ABCC11: variants seen among roughly 807,000 people sequenced by gnomAD.
The protein encoded by ABCC11 is ATP-binding cassette sub-family C member 11.
In ABCC11, 135 loss-of-function variants were observed where a neutral mutation model predicts 149.3. That is an observed-to-expected ratio of 0.90 (90% confidence interval 0.79 to 1.04). ABCC11 has a LOEUF of 1.04. Among genes scored for constraint, ABCC11 ranks in the 50% least tolerant of loss-of-function variants. The pLI is 0.00. For synonymous variants in ABCC11, 665 were observed against 671.4 expected (o/e 0.99, Z 0.15); for missense variants, 1,680 against 1,722.1 (o/e 0.98, Z 0.43).
chr16:48,224,455 T>A (rs1969943288), intron 4 of ABCC11, 26 bp from the exon 5 acceptor site: 1 of 1,610,016 alleles, frequency 6.2e-7, no homozygotes, highest in African/African-American at 1.3e-5. Context: ...ATGGAACTGG[T>A]GGAATCTCTT....
intron 26 of ABCC11, 123 bp downstream of exon 26, chr16:48,175,135 C>T (rs62058525): frequency 0.092 from 119,227 of 1,295,510 alleles, 6,349 homozygotes; most frequent in Middle Eastern, 0.12. Context: ...CATGAGTGGC[C>T]CAGCAGGCCA....
At chr16:48,173,562 A>T (rs879187044) in intron 26 of ABCC11, among the ~76,000 whole-genome samples, 1 of 152,208 alleles carries the variant, frequency 6.6e-6, no homozygotes, top group African/African-American at 2.4e-5. Flanking sequence ...ACTGTAACAT[A>T]GAAATCTATC....
At chr16:48,187,162 C>A in intron 21 of ABCC11, 39 bp downstream of exon 21, 1 of 1,613,082 alleles carries the variant, frequency 6.2e-7, no homozygotes, top group Non-Finnish European at 8.5e-7. Context: ...TTGGTCCCAG[C>A]CTTGCTCCCC....
chr16:48,230,388 A>G, intron 3 of ABCC11, 49 bp downstream of exon 3: 1 of 1,498,364 alleles, frequency 6.7e-7, no homozygotes, highest in Non-Finnish European at 8.9e-7. Context: ...GTTGGGGATC[A>G]TTGCCCTGGT....
chr16:48,192,149 T>TAA (rs766638534), intron 20 of ABCC11, among the ~76,000 whole-genome samples: 1 of 146,548 alleles, frequency 6.8e-6, no homozygotes. Flanking sequence ...GGTCTACTAA[T>TAA]AAAAAAAAAA....
Position 48,203,043 on chromosome 16 carries a change from C to T in ABCC11, c.1878+185G>A, listed in dbSNP as rs532212719. 3.3e-5 allele frequency among the ~76,000 whole-genome samples: 5 copies of T among 152,316 alleles called. No homozygotes were observed. The East Asian group carries it at 9.7e-4, about 29-fold the overall frequency. On this transcript the variant is annotated intron_variant, in intron 14 of 29. Coordinates refer to ENST00000356608, the MANE Select transcript of ABCC11 (RefSeq NM_001370497.1). The stretch of plus-strand genomic sequence containing the variant: ...GGTACCCACTTTCCTTTCCAGGTGC[C>T]TCTATAAGCTGAGCCCCAACCTCCC...
chr16:48,233,623 C>G (rs1458902831), intron 1 of ABCC11, among the ~76,000 whole-genome samples: 4 of 152,346 alleles, frequency 2.6e-5, no homozygotes, highest in Admixed American at 2.6e-4. Context: ...GAATGAGGCC[C>G]TGTGGATGGG....
At chr16:48,217,801 G>A (rs1321098636) in intron 6 of ABCC11, among the ~76,000 whole-genome samples, 1 of 152,034 alleles carries the variant, frequency 6.6e-6, no homozygotes, top group African/African-American at 2.4e-5. Context: ...GCATAAATTG[G>A]TATAGCCACT....
intron 17 of ABCC11, among the ~76,000 whole-genome samples, chr16:48,196,560 C>T (rs1033562596): frequency 1.3e-5 from 2 of 152,162 alleles, no homozygotes; most frequent in African/African-American, 4.8e-5. Flanking sequence ...CGGGGTCTCA[C>T]GTGTGTGATG....
At chr16:48,244,809 A>C (rs1157765400) in intron 1 of ABCC11, among the ~76,000 whole-genome samples, 1 of 152,158 alleles carries the variant, frequency 6.6e-6, no homozygotes, top group Non-Finnish European at 1.5e-5. Context: ...CATGAATGAG[A>C]TCGTTCATGA....
chr16:48,233,667 A>G (rs13331031), intron 1 of ABCC11, among the ~76,000 whole-genome samples: 19,926 of 152,192 alleles, frequency 0.13, 1,624 homozygotes, highest in African/African-American at 0.23. Flanking sequence ...TTATTCACAC[A>G]CAAAGATCCC....
At chr16:48,173,990 T>C (rs1965878187) in intron 26 of ABCC11, among the ~76,000 whole-genome samples, 3 of 152,142 alleles carry the variant, frequency 2.0e-5, no homozygotes, top group Admixed American at 6.5e-5. Flanking sequence ...TGAAAAGAGT[T>C]TGTCTCCTAT....
chr16:48,220,200 C>T (rs573604171), intron 6 of ABCC11, among the ~76,000 whole-genome samples: 3 of 152,300 alleles, frequency 2.0e-5, no homozygotes, highest in Non-Finnish European at 4.4e-5. Context: ...CTTAGTGAGG[C>T]GGGTGACTGC....
intron 14 of ABCC11, 35 bp from the exon 15 acceptor site, chr16:48,200,514 C>T (rs200580227): frequency 2.5e-6 from 4 of 1,602,050 alleles, no homozygotes; most frequent in Non-Finnish European, 2.6e-6. Flanking sequence ...CATGTCCAGA[C>T]AGCAAGCACA....
rs747809864 is a variant in ABCC11, at chr16:48,216,331, GT to G, written c.778-45del. On this transcript the variant is annotated intron_variant, in intron 6 of 29. Transcript: ENST00000356608. ...ATGGGCACAGATGTCACCTCCCTGG[GT>G]ACACAGAAGGGGTGGCAGGTGGCCT... 1.6e-5 allele frequency: 26 copies of G among 1,588,260 alleles called. No homozygotes were observed. The Middle Eastern group carries it at 9.0e-4, about 55-fold the overall frequency.
chr16:48,246,215 C>G (rs1186731104), intron 1 of ABCC11, among the ~76,000 whole-genome samples: 1 of 152,162 alleles, frequency 6.6e-6, no homozygotes, highest in Non-Finnish European at 1.5e-5. Context: ...TTTTCTCAAG[C>G]ATGGAAAATA....
intron 12 of ABCC11, among the ~76,000 whole-genome samples, chr16:48,206,094 A>G (rs1968425124): frequency 6.6e-6 from 1 of 152,024 alleles, no homozygotes; most frequent in Non-Finnish European, 1.5e-5. Flanking sequence ...ACAGGCGTGA[A>G]CGTTTTTTCC....
In ABCC11 at chr16:48,192,524, T is replaced by C. The variant is rs766184321; in HGVS notation, c.2702A>G (p.Asn901Ser). The C allele has an allele frequency of 1.9e-6, 3 of 1,614,084 alleles. No homozygotes were observed. Among genetic ancestry groups the C allele is most frequent in the East Asian group, 2.2e-5 (1 of 44,908 alleles). Residue 901 changes from asparagine to serine, a missense_variant, in exon 20 of 30, where the codon AAC becomes AGC. Physicochemically the swap from Asn to Ser is conservative, Grantham distance 46. Transcript: ENST00000356608. ...ASTALHNKLF[N>S]KVFRCPMSFF... Reference sequence around the variant, plus strand: ...ACCCAGCACCCAGGCCCATACCTTGTTGAAGAGCTTGTTGTGCAGGGCCGT... The same window carrying C: ...ACCCAGCACCCAGGCCCATACCTTGCTGAAGAGCTTGTTGTGCAGGGCCGT...
chr16:48,213,386 C>T (rs1969081909), intron 10 of ABCC11, 57 bp downstream of exon 10: 9 of 1,480,102 alleles, frequency 6.1e-6, no homozygotes, highest in Non-Finnish European at 7.5e-6. Context: ...ATCATGGGGG[C>T]TGAAGGCAGA....
Sources: gnomAD v4.1 joint callset for allele counts (sites outside exome capture counted in the v4.1 genomes callset) on GRCh38, gnomAD v4.1.1 for gene constraint, MANE v1.5 for transcripts, NCBI Gene and HGNC (gene_info 2026-07-23, HGNC 2026-07-21) for gene names.